PCNT: variants seen among roughly 807,000 people sequenced by gnomAD.
PCNT encodes the protein pericentrin.
In PCNT, 319 loss-of-function variants were observed where a neutral mutation model predicts 380.4. The ratio of observed to expected loss-of-function variants is 0.84; its 90% CI spans 0.77 to 0.92. The LOEUF is 0.92. Among genes scored for constraint, PCNT ranks in the 40% least tolerant of loss-of-function variants. PCNT has a pLI of 0.00. For synonymous variants in PCNT, 1,845 were observed against 1,735.2 expected, an observed-to-expected ratio of 1.06 and a Z score of -1.57; for missense variants, 4,400 against 4,255.3, an observed-to-expected ratio of 1.03 and a Z score of -0.95.
At chr21:46,355,708 G>A (rs1228563052) in intron 12 of PCNT, 82 bp downstream of exon 12, 33 of 1,407,396 alleles carry the variant, frequency 2.3e-5, no homozygotes, top group Non-Finnish European at 3.2e-5. Context: ...GCCTGGGTTC[G>A]ATCCAAGTCC....
rs766616898 is a variant in PCNT at position 46,437,096 on chromosome 21, C to T, written c.9099+15C>T. 2.5e-6 allele frequency: 4 copies of T among 1,580,062 alleles called. No homozygotes were observed. Among genetic ancestry groups the T allele is most frequent in the Admixed American group, 3.3e-5 (2 of 59,906 alleles). ...CCTCCTCCCAGGTAAGGGGTGAGCG[C>T]CCCCAGGTCCCTGGCCTGGCTCCTC... On this transcript the variant is annotated intron_variant, in intron 40 of 46. Transcript: ENST00000359568.
At chr21:46,426,770 T>A (rs2087525262) in intron 33 of PCNT, among the ~76,000 whole-genome samples, 1 of 152,192 alleles carries the variant, frequency 6.6e-6, no homozygotes, top group African/African-American at 2.4e-5. Flanking sequence ...TCACCAGGGC[T>A]TGTGGAGGTT....
At chr21:46,363,374 G>A in intron 13 of PCNT, 106 bp from the exon 14 acceptor site, 1 of 807,758 alleles carries the variant, frequency 1.2e-6, no homozygotes, top group Non-Finnish European at 2.2e-6. Context: ...TAATGGGTGT[G>A]TGTGTGGTGA....
chr21:46,399,169 C>A (rs2086313999), intron 24 of PCNT, among the ~76,000 whole-genome samples: 1 of 152,134 alleles, frequency 6.6e-6, no homozygotes, highest in Non-Finnish European at 1.5e-5. Flanking sequence ...CTAACAAATT[C>A]TGTATTATAG....
chr21:46,392,230 G>A (rs1285330164), intron 21 of PCNT, among the ~76,000 whole-genome samples: 3 of 151,430 alleles, frequency 2.0e-5, no homozygotes, highest in African/African-American at 4.9e-5. Flanking sequence ...TTTTGTTTTT[G>A]TTTTTTTTGA....
chr21:46,371,375 A>G (rs536824385), intron 15 of PCNT, among the ~76,000 whole-genome samples: 6 of 151,960 alleles, frequency 3.9e-5, no homozygotes, highest in East Asian at 3.9e-4. Context: ...ACGCCTCGCT[A>G]ATTTTTATTG....
At chr21:46,440,283 G>T in intron 42 of PCNT, 81 bp downstream of exon 42, 2 of 1,492,214 alleles carry the variant, frequency 1.3e-6, no homozygotes, top group South Asian at 1.1e-5. Context: ...GCATTTTTGT[G>T]ACCACAAGGT....
At chr21:46,415,960 A>G (rs2087010320) in intron 29 of PCNT, 109 bp from the exon 30 acceptor site, 2 of 984,702 alleles carry the variant, frequency 2.0e-6, no homozygotes, top group Non-Finnish European at 3.1e-6. Context: ...TCATTGTGGA[A>G]TCACCCGAGT....
At chr21:46,378,263 C>T (rs542487838) in intron 15 of PCNT, among the ~76,000 whole-genome samples, 1 of 152,270 alleles carries the variant, frequency 6.6e-6, no homozygotes, top group South Asian at 2.1e-4. Flanking sequence ...CTGTCATCAA[C>T]TTTTACCTTA....
At chr21:46,348,227 C>G (rs1264201945) in intron 6 of PCNT, 1 of 165,246 alleles carries the variant, frequency 6.1e-6, no homozygotes, top group Admixed American at 5.8e-5. Flanking sequence ...AGATGTATTA[C>G]TAACGCTTTG....
chr21:46,375,609 C>T (rs201847902), intron 15 of PCNT, among the ~76,000 whole-genome samples: 13,786 of 97,022 alleles, frequency 0.14, 814 homozygotes, highest in East Asian at 0.34. Flanking sequence ...TTGAGCCGGC[C>T]CGGTCAGATT....
intron 3 of PCNT, among the ~76,000 whole-genome samples, chr21:46,343,654 C>G (rs1219018700): frequency 1.3e-5 from 2 of 152,008 alleles, no homozygotes; most frequent in Non-Finnish European, 2.9e-5. Context: ...AGGAAGGATT[C>G]TTTCTTTCTC....
intron 16 of PCNT, among the ~76,000 whole-genome samples, chr21:46,384,907 GTGT>G (rs1425842353): frequency 2.0e-5 from 3 of 152,240 alleles, no homozygotes; most frequent in Non-Finnish European, 4.4e-5. Flanking sequence ...TGCATTCATG[GTGT>G]TGTGCGTAGT....
Position 46,411,572 on chromosome 21 carries a change from A to C in PCNT, c.5499A>C (p.Leu1833=). 6.2e-7 allele frequency: 1 copy of C among 1,612,768 alleles called. No individual in the cohort carries two copies. Among genetic ancestry groups the C allele is most frequent in the Non-Finnish European group, 8.5e-7 (1 of 1,179,734 alleles). ...RLQGAEEAAE[L]QLAELERNVA... ...AGGGCGCAGAGGAGGCTGCGGAGCT[A>C]CAGCTGGCTGAGCTGGAGCGCAATG... Residue 1833 remains leucine, a synonymous_variant, in exon 28 of 47, where the codon CTA becomes CTC. Coordinates refer to ENST00000359568, the MANE Select transcript of PCNT (RefSeq NM_006031.6).
Position 46,366,813 on chromosome 21 carries a change from G to C in PCNT, c.2839G>C (p.Ala947Pro), listed in dbSNP as rs1177229119. Reference sequence around the variant, plus strand: ...GGGGGCTCTGCTGGCTGCACGTGTGGCCGAACTGCAGACAAAACACGCTGC... The same window carrying C: ...GGGGGCTCTGCTGGCTGCACGTGTGCCCGAACTGCAGACAAAACACGCTGC... The part of the protein sequence containing the change: ...KQGALLAARV[A>P]ELQTKHAADL... The change falls in exon 15 of 47, where the codon GCC (alanine) becomes CCC (proline). Residue 947 changes from alanine (A) to proline (P), a missense_variant. Physicochemically the swap from Ala to Pro is conservative, Grantham distance 27 (BLOSUM62 -1). Transcript: ENST00000359568. The C allele has an allele frequency of 3.7e-6, 6 of 1,613,886 alleles. No individual in the cohort carries two copies. The Admixed American group carries it at 5.0e-5, about 13-fold the overall frequency.
intron 4 of PCNT, 112 bp from the exon 5 acceptor site, chr21:46,346,631 C>A: frequency 7.5e-7 from 1 of 1,328,010 alleles, no homozygotes; most frequent in Non-Finnish European, 1.0e-6. Flanking sequence ...GGGATGTCTG[C>A]TGTTTCATTT....
intron 16 of PCNT, among the ~76,000 whole-genome samples, chr21:46,383,459 G>T (rs1322509137): frequency 2.9e-4 from 42 of 144,624 alleles, no homozygotes; most frequent in Non-Finnish European, 5.0e-4. Context: ...GCGTTCAGTG[G>T]CAGAAGCGCA....
At chr21:46,437,807 A>G (rs2053502792) in intron 40 of PCNT, among the ~76,000 whole-genome samples, 1 of 152,106 alleles carries the variant, frequency 6.6e-6, no homozygotes, top group African/African-American at 2.4e-5. Flanking sequence ...CAGCGTGCCC[A>G]CCCTCCACAG....
chr21:46,426,071 T>TG, intron 33 of PCNT, 100 bp downstream of exon 33: 3 of 589,604 alleles, frequency 5.1e-6, no homozygotes, highest in Non-Finnish European at 6.7e-6. Context: ...ATTTCTTTCT[T>TG]TTTTTTTTTT....
Sources: allele counts gnomAD v4.1 joint callset (sites outside exome capture counted in the v4.1 genomes callset), GRCh38; gene constraint gnomAD v4.1.1; transcripts MANE v1.5; gene names NCBI Gene and HGNC (gene_info 2026-07-23, HGNC 2026-07-21).